Variants in ACSM3 observed in about 807,000 individuals in gnomAD.
The protein encoded by ACSM3 is acyl-CoA synthetase medium chain family member 3.
ACSM3 carries 61 observed loss-of-function variants against 74.1 expected under a neutral mutation model. That is an observed-to-expected ratio of 0.82 (90% confidence interval 0.67 to 1.02). The LOEUF is 1.02. Ranked by LOEUF, ACSM3 falls within the 50% of genes least tolerant of loss-of-function variation. The pLI is 0.00. For missense variants in ACSM3, 660 were observed against 697.0 expected, an observed-to-expected ratio of 0.95 and a Z score of 0.60; for synonymous variants, 213 against 241.5, an observed-to-expected ratio of 0.88 and a Z score of 1.09.
At chr16:20,695,105 T>C (rs2079682443) in intron 1 of ACSM3, among the ~76,000 whole-genome samples, 1 of 151,916 alleles carries the variant, frequency 6.6e-6, no homozygotes, top group Admixed American at 6.6e-5. Flanking sequence ...ACAAATGTGT[T>C]TGTGATTCTA....
intron 1 of ACSM3, among the ~76,000 whole-genome samples, chr16:20,698,663 C>T (rs1040312645): frequency 2.0e-5 from 3 of 152,072 alleles, no homozygotes; most frequent in Admixed American, 2.0e-4. Context: ...TGCCCGCCAC[C>T]ACACCCAGTT....
intron 1 of ACSM3, chr16:20,734,670 T>G (rs944472438): frequency 9.9e-5 from 15 of 152,244 alleles, no homozygotes; most frequent in African/African-American, 3.6e-4. Context: ...CAGTTAATTT[T>G]GCAGACTTTG....
At chr16:20,748,640 A>G (rs920593254) in intron 1 of ACSM3, among the ~76,000 whole-genome samples, 1 of 152,214 alleles carries the variant, frequency 6.6e-6, no homozygotes. Flanking sequence ...TTTACCAAAA[A>G]AGTTGAGGTT....
chr16:20,706,927 C>A (rs2079729756), intron 1 of ACSM3, among the ~76,000 whole-genome samples: 1 of 152,092 alleles, frequency 6.6e-6, no homozygotes, highest in Admixed American at 6.5e-5. Context: ...GAGAAAGGGC[C>A]CTTAATCTTG....
intron 2 of ACSM3, among the ~76,000 whole-genome samples, chr16:20,773,770 C>T (rs954586246): frequency 3.3e-5 from 5 of 152,090 alleles, no homozygotes; most frequent in African/African-American, 1.2e-4. Flanking sequence ...TTGTTTTGTG[C>T]CCTAACATAT....
At chr16:20,702,010 C>A (rs1292377195) in intron 1 of ACSM3, among the ~76,000 whole-genome samples, 1 of 152,160 alleles carries the variant, frequency 6.6e-6, no homozygotes, top group Non-Finnish European at 1.5e-5. Context: ...CATACATGTG[C>A]ATGTATCTTT....
chr16:20,761,655 G>T (rs536855153), upstream of ACSM3, among the ~76,000 whole-genome samples: 278 of 152,314 alleles, frequency 1.8e-3, no homozygotes, highest in African/African-American at 6.3e-3. Context: ...TGGTCAGGCG[G>T]TTATTAAACT....
In ACSM3 at chr16:20,790,536, T is replaced by C; in HGVS notation, c.1225-51T>C. On this transcript the variant is annotated intron_variant, in intron 9 of 13. Coordinates refer to ENST00000289416, the MANE Select transcript of ACSM3 (RefSeq NM_005622.4). This position sits in a 1 kb window ranked among gnomAD's most constrained non-coding sequence, Gnocchi z 4.0. ...AAACTTGCAAAGTTAATATTTAAGC[T>C]GCGACATTAAACAAAAATTTCCTTA... 1 of 1,518,916 alleles carries C rather than the reference T, an allele frequency of 6.6e-7. No homozygotes were observed. The highest frequency in any genetic ancestry group is 9.1e-7 in the Non-Finnish European group (1 of 1,102,904). The allele number at this position is 1,518,916 out of a possible 1,614,324, so 94.1% of individuals were successfully genotyped here. A position where few individuals can be genotyped will look rare whatever the true frequency, so the allele number is the denominator to read the frequency against.
intron 1 of ACSM3, among the ~76,000 whole-genome samples, chr16:20,716,762 C>G (rs979764825): frequency 2.0e-5 from 3 of 152,124 alleles, no homozygotes; most frequent in Non-Finnish European, 2.9e-5. Flanking sequence ...TGCATACCAG[C>G]GTTGGCCCCC....
At chr16:20,779,871 A>G in intron 4 of ACSM3, 1 of 206,696 alleles carries the variant, frequency 4.8e-6, no homozygotes, top group Non-Finnish European at 1.1e-5. Flanking sequence ...TCCCTGGTTC[A>G]AGCGATTCTC....
intron 1 of ACSM3, among the ~76,000 whole-genome samples, chr16:20,726,611 T>C (rs2079807115): frequency 6.6e-6 from 1 of 152,198 alleles, no homozygotes; most frequent in South Asian, 2.1e-4. Flanking sequence ...AAGCAAGCTG[T>C]TCTAGGCTTT....
rs1242836786 is a variant in ACSM3, at chr16:20,757,573, G to A, written c.-52+1957G>A. On this transcript the variant is annotated intron_variant, in intron 3 of 3. Coordinates refer to the ACSM3 transcript ENST00000561584. ...GGTTTTCTAGATATACAATCATGTCGTCTGCAAACAGGGACAATTTGACTT... is the reference window on the plus strand; with the variant it reads ...GGTTTTCTAGATATACAATCATGTCATCTGCAAACAGGGACAATTTGACTT... 9.2e-4 allele frequency among the ~76,000 whole-genome samples: 138 copies of A among 149,668 alleles called. 1 individual carries two copies. Among genetic ancestry groups the A allele is most frequent in the South Asian group, 5.3e-3 (25 of 4,694 alleles).
intron 1 of ACSM3, among the ~76,000 whole-genome samples, chr16:20,747,263 C>T (rs543938149): frequency 3.3e-5 from 5 of 152,132 alleles, no homozygotes; most frequent in Admixed American, 2.6e-4. Context: ...CAGCTTCCGC[C>T]TTCCCCCTTA....
chr16:20,734,267 C>T (rs571706362), intron 1 of ACSM3: 1 of 152,698 alleles, frequency 6.5e-6, no homozygotes, highest in East Asian at 1.9e-4. Context: ...CTTGCACTAT[C>T]AAAATAGAAT....
At chr16:20,716,750 C>T (rs1478837356) in intron 1 of ACSM3, among the ~76,000 whole-genome samples, 1 of 152,148 alleles carries the variant, frequency 6.6e-6, no homozygotes. Flanking sequence ...GCCTTCGCAG[C>T]CTGCATACCA....
chr16:20,740,172 C>T (rs1177536487), intron 1 of ACSM3, among the ~76,000 whole-genome samples: 1 of 152,134 alleles, frequency 6.6e-6, no homozygotes, highest in African/African-American at 2.4e-5. Context: ...GTGGGCGGAT[C>T]CCTTGAGCCT....
intron 7 of ACSM3, among the ~76,000 whole-genome samples, chr16:20,783,856 G>A (rs2080408800): frequency 6.7e-6 from 1 of 149,570 alleles, no homozygotes; most frequent in South Asian, 2.1e-4. Context: ...TGCCCAGGCT[G>A]GAGTGCAGTG....
chr16:20,756,247 C>A (rs1309219792), intron 3 of ACSM3, among the ~76,000 whole-genome samples: 2 of 151,824 alleles, frequency 1.3e-5, no homozygotes, highest in South Asian at 2.1e-4. Context: ...TACAGTCCCA[C>A]CAACAGTGTA....
chr16:20,728,602 CA>C, intron 1 of ACSM3: 1 of 424,352 alleles, frequency 2.4e-6, no homozygotes, highest in Non-Finnish European at 4.3e-6. Context: ...ATTTCATCAG[CA>C]GTAAAATGCA....
Sources: allele counts gnomAD v4.1 joint callset (sites outside exome capture counted in the v4.1 genomes callset), GRCh38; gene constraint gnomAD v4.1.1; non-coding constraint Gnocchi (gnomAD v3.1); transcripts MANE v1.5; gene names NCBI Gene and HGNC (gene_info 2026-07-23, HGNC 2026-07-21).